MPP4: variants seen among roughly 807,000 people sequenced by gnomAD.
MPP4 encodes MAGUK p55 subfamily member 4.
A neutral mutation model predicts 98.3 loss-of-function variants in MPP4; 91 were observed. That is an observed-to-expected ratio of 0.93 (90% CI 0.78 to 1.10). The LOEUF is 1.10. MPP4 is among the 50% of genes least tolerant of loss of function. The pLI, the probability that MPP4 is intolerant of heterozygous loss-of-function variation, is 0.00. For synonymous variants in MPP4, 261 were observed against 271.8 expected, an observed-to-expected ratio of 0.96 and a Z score of 0.39; for missense variants, 744 against 792.9, an observed-to-expected ratio of 0.94 and a Z score of 0.74.
At chr2:201,697,644 A>G (rs1303470744) in intron 1 of MPP4, among the ~76,000 whole-genome samples, 1 of 152,222 alleles carries the variant, frequency 6.6e-6, no homozygotes, top group Non-Finnish European at 1.5e-5. Flanking sequence ...TGGGACTTCA[A>G]TCCTAATGGG....
chr2:201,697,905 T>C lies in MPP4; in HGVS notation c.-101+682A>G. ...CTTAGTCCTGAAAGATGCTGATGCC[T>C]GGCATGATGCCTGGCAAAAGACTTA... On this transcript the variant is annotated intron_variant, in intron 1 of 21. Transcript: ENST00000409474. 5 of 979,746 alleles carry C rather than the reference T, an allele frequency of 5.1e-6. No homozygotes were observed. In the South Asian group the frequency reaches 2.4e-4, roughly 46 times the overall value. 60.7% of individuals were successfully genotyped at this position (979,746 alleles called of 1,614,324 possible).
intron 10 of MPP4, among the ~76,000 whole-genome samples, chr2:201,678,358 A>T: frequency 6.6e-6 from 1 of 151,852 alleles, no homozygotes; most frequent in East Asian, 1.9e-4. Context: ...GACCCCTTCC[A>T]CCCACCCACG....
intron 10 of MPP4, among the ~76,000 whole-genome samples, chr2:201,677,534 A>G (rs1378332852): frequency 2.6e-5 from 4 of 152,224 alleles, no homozygotes; most frequent in Non-Finnish European, 5.9e-5. Context: ...AAGCAAAACC[A>G]AAACAAAACC....
chr2:201,653,597 C>G (rs149116549), intron 18 of MPP4, among the ~76,000 whole-genome samples: 1 of 152,112 alleles, frequency 6.6e-6, no homozygotes, highest in South Asian at 2.1e-4. Flanking sequence ...ATATTAGAAA[C>G]GATGCATTAT....
At chr2:201,668,950 C>T (rs1407258014) in intron 12 of MPP4, among the ~76,000 whole-genome samples, 2 of 152,134 alleles carry the variant, frequency 1.3e-5, no homozygotes, top group African/African-American at 4.8e-5. Flanking sequence ...CAGATTGGAG[C>T]CTTGTTCCCA....
At chr2:201,658,329 A>G in intron 16 of MPP4, 148 bp downstream of exon 16, 1 of 668,084 alleles carries the variant, frequency 1.5e-6, no homozygotes, top group South Asian at 1.9e-5. Context: ...AATATTGACA[A>G]GAAAAAAGGA....
chr2:201,664,269 T>C (rs1006899490), intron 13 of MPP4, 168 bp from the exon 14 acceptor site: 3 of 1,481,896 alleles, frequency 2.0e-6, no homozygotes, highest in Non-Finnish European at 2.7e-6. Context: ...ATGGCATATA[T>C]CAGCTTTACA....
At chr2:201,656,791 G>A (rs1023380255) in intron 16 of MPP4, among the ~76,000 whole-genome samples, 16 of 152,226 alleles carry the variant, frequency 1.1e-4, no homozygotes, top group Non-Finnish European at 2.4e-4. Flanking sequence ...GCAGACATCT[G>A]GAGGAAGGCA....
intron 3 of MPP4, among the ~76,000 whole-genome samples, chr2:201,690,601 T>C (rs1461558249): frequency 1.3e-5 from 2 of 152,096 alleles, no homozygotes; most frequent in African/African-American, 2.4e-5. Context: ...CTGAAACCAA[T>C]GGGGATTTGT....
At position 201,650,080 on chromosome 2, in the gene MPP4, A is replaced by G. The variant is rs1438028080; in HGVS notation, c.1467T>C (p.Tyr489=). ...CTGAACCTCTACTTTACCTGTGACTATATATGAGGTTTTCAAATGTTTCCT... is the reference window on the plus strand; with the variant it reads ...CTGAACCTCTACTTTACCTGTGACTGTATATGAGGTTTTCAAATGTTTCCT... The part of the protein sequence containing the change: ...VSKETFENLI[Y]SHRMLEYGEY... Residue 489 remains tyrosine, a synonymous_variant, in exon 19 of 22, where the codon TAT becomes TAC. Coordinates refer to ENST00000409474, the MANE Select transcript of MPP4 (RefSeq NM_033066.3). The G allele has an allele frequency of 1.3e-6, 2 of 1,570,234 alleles. No individual in the cohort carries two copies. Among genetic ancestry groups the G allele is most frequent in the East Asian group, 4.6e-5 (2 of 43,576 alleles).
At chr2:201,680,687 T>C in intron 10 of MPP4, 151 bp downstream of exon 10, 1 of 652,268 alleles carries the variant, frequency 1.5e-6, no homozygotes, top group South Asian at 2.4e-5. Context: ...GGTTTATCGA[T>C]AAGTTGACAT....
rs78586117 is a variant in MPP4, at chr2:201,645,696, G to A, written c.1720-292C>T. ...TAGACAGGGTCCCACTCTGTCCCAG[G>A]CTGGCATGCAGTAGGATCATCTCAG... is the stretch of plus-strand genomic sequence containing the variant. On this transcript the variant is annotated intron_variant, in intron 21 of 21. Coordinates refer to ENST00000409474, the MANE Select transcript of MPP4 (RefSeq NM_033066.3). Among the ~76,000 whole-genome samples, 1,834 of 151,808 alleles carry A rather than the reference G, an allele frequency of 0.012. 91 individuals are homozygous for A. In the East Asian group the frequency reaches 0.17, roughly 14 times the overall value.
intron 6 of MPP4, 54 bp downstream of exon 6, chr2:201,685,865 T>C (rs767939161): frequency 3.8e-6 from 6 of 1,588,766 alleles, no homozygotes; most frequent in Non-Finnish European, 4.3e-6. Context: ...ATAATTTGGT[T>C]CACAATTAAC....
rs1315542609 is a variant in MPP4 at position 201,645,308 on chromosome 2, C to G, written c.1816G>C (p.Asp606His). ...DHVIVNDSLH[D>H]ACAQLLSAIQ... ...GCAGACAACAACTGGGCACATGCAT[C>G]GTGCAAGCTGTCATTCACAATCACA... Residue 606 changes from aspartate to histidine, a missense_variant, in exon 22 of 22, where the codon GAT (aspartate) becomes CAT (histidine). Coordinates refer to ENST00000409474, the MANE Select transcript of MPP4 (RefSeq NM_033066.3). 7 of 1,613,886 alleles carry G rather than the reference C, an allele frequency of 4.3e-6. No homozygotes were observed. The highest frequency in any genetic ancestry group is 3.3e-5 in the South Asian group (3 of 91,088).
intron 18 of MPP4, 67 bp downstream of exon 18, chr2:201,654,770 T>C: frequency 4.5e-6 from 5 of 1,121,716 alleles, no homozygotes; most frequent in Non-Finnish European, 6.5e-6. Context: ...AATGACATAG[T>C]TAAATGAGAT....
intron 16 of MPP4, among the ~76,000 whole-genome samples, chr2:201,657,786 G>A (rs775541677): frequency 3.0e-4 from 45 of 151,606 alleles, no homozygotes; most frequent in Admixed American, 5.9e-4. Context: ...ATTTTACTCT[G>A]CCTCTGACAA....
At chr2:201,663,076 C>T (rs971088941) in intron 14 of MPP4, among the ~76,000 whole-genome samples, 7 of 152,170 alleles carry the variant, frequency 4.6e-5, no homozygotes, top group East Asian at 1.9e-4. Flanking sequence ...AAACAGGATA[C>T]GTGGAATAAA....
At chr2:201,696,160 T>G (rs1033962875) in intron 1 of MPP4, among the ~76,000 whole-genome samples, 3 of 152,236 alleles carry the variant, frequency 2.0e-5, no homozygotes, top group African/African-American at 2.4e-5. Context: ...CCAAACACCC[T>G]GAAGTCTTCC....
Position 201,649,642 on chromosome 2 carries a change from A to C in MPP4, c.1518T>G (p.Thr506=). ...GGACTGTTTGAACAGCATCCACACT[A>C]GTGCCATACAGGTGGCCTTTGTACT... The part of the protein sequence containing the change: ...YGEYKGHLYG[T]SVDAVQTVLV... Residue 506 remains threonine, a synonymous_variant, in exon 20 of 22, where the codon ACT becomes ACG. Coordinates refer to ENST00000409474, the MANE Select transcript of MPP4 (RefSeq NM_033066.3). 6.2e-7 allele frequency: 1 copy of C among 1,611,084 alleles called. No homozygotes were observed. The highest frequency in any genetic ancestry group is 8.5e-7 in the Non-Finnish European group (1 of 1,178,730).
Sources: allele counts gnomAD v4.1 joint callset (sites outside exome capture counted in the v4.1 genomes callset), GRCh38; gene constraint gnomAD v4.1.1; transcripts MANE v1.5; gene names NCBI Gene and HGNC (gene_info 2026-07-23, HGNC 2026-07-21).